VMP1: variants seen among roughly 807,000 people sequenced by gnomAD.
The protein encoded by VMP1 is vacuole membrane protein 1.
Under a neutral mutation model 56.0 loss-of-function variants are expected in VMP1, and 11 were observed. The observed-to-expected ratio is 0.20, with a 90% CI of 0.12 to 0.32. The LOEUF (loss-of-function observed/expected upper bound fraction) is 0.32, where lower values mean the gene tolerates loss of function less well. Among genes scored for constraint, VMP1 ranks in the 10% least tolerant of loss-of-function variants. VMP1 has a pLI of 1.00. For synonymous variants in VMP1, 149 were observed against 165.0 expected, an observed-to-expected ratio of 0.90 and a Z score of 0.74; for missense variants, 296 against 490.3, an observed-to-expected ratio of 0.60 and a Z score of 3.74.
In VMP1 at chr17:59,793,704, G is replaced by A. The variant is rs2037321016; in HGVS notation, c.715-15092G>A. Among the ~76,000 whole-genome samples, 2 of 114,056 alleles carry A rather than the reference G, an allele frequency of 1.8e-5. 1 individual carries two copies. The highest frequency in any genetic ancestry group is 4.4e-5 in the Non-Finnish European group (2 of 45,870). The allele number at this position is 114,056 out of a possible 152,430, so 74.8% of individuals were successfully genotyped here. On this transcript the variant is annotated intron_variant, in intron 7 of 11. Transcript: ENST00000262291. Reference sequence around the variant, plus strand: ...TGCAGTGGCGTGATATTGTCTCACTGCGGCCTCCACCTCCCGAGTTCAAGC... The same window carrying A: ...TGCAGTGGCGTGATATTGTCTCACTACGGCCTCCACCTCCCGAGTTCAAGC...
chr17:59,819,050 T>G (rs998639819), intron 10 of VMP1, among the ~76,000 whole-genome samples: 1 of 152,196 alleles, frequency 6.6e-6, no homozygotes, highest in Admixed American at 6.5e-5. Context: ...TAAAATAGTT[T>G]TTAATATTTG....
chr17:59,784,112 T>G (rs1033531814), intron 7 of VMP1, among the ~76,000 whole-genome samples: 1 of 132,504 alleles, frequency 7.5e-6, no homozygotes, highest in Non-Finnish European at 1.6e-5. Flanking sequence ...TGTGTGTGTG[T>G]GTGTGTGTGT....
intron 7 of VMP1, among the ~76,000 whole-genome samples, chr17:59,799,734 G>A (rs561438759): frequency 9.9e-5 from 15 of 152,218 alleles, no homozygotes; most frequent in Non-Finnish European, 1.8e-4. Context: ...AGGCCAAGGC[G>A]GGAGGATCAC....
At chr17:59,815,865 A>G (rs1312455460) in intron 9 of VMP1, among the ~76,000 whole-genome samples, 1 of 101,056 alleles carries the variant, frequency 9.9e-6, no homozygotes, top group African/African-American at 2.9e-5. Context: ...CAAAAAAAAA[A>G]AAAAAAAAAA....
chr17:59,801,046 C>T (rs980338293), intron 7 of VMP1, among the ~76,000 whole-genome samples: 9 of 147,568 alleles, frequency 6.1e-5, no homozygotes, highest in Non-Finnish European at 1.0e-4. Context: ...TGCCATTGCA[C>T]CCCATCCTGG....
chr17:59,830,598 T>G lies in VMP1; in HGVS notation c.975-7697T>G, dbSNP rs563555190. ...TCTTTGTAAAGAGGCTATCGCCTCC[T>G]TACTAGAATTTATGTCAGAATGTTT... is the stretch of plus-strand genomic sequence containing the variant. On this transcript the variant is annotated intron_variant, in intron 10 of 11. Coordinates refer to ENST00000262291, the MANE Select transcript of VMP1 (RefSeq NM_030938.5). 9.1e-4 allele frequency among the ~76,000 whole-genome samples: 139 copies of G among 152,336 alleles called. 1 individual carries two copies. The highest frequency in any genetic ancestry group is 3.0e-3 in the African/African-American group (125 of 41,580).
intron 7 of VMP1, among the ~76,000 whole-genome samples, chr17:59,800,795 A>G (rs2037612052): frequency 6.6e-6 from 1 of 152,084 alleles, no homozygotes; most frequent in Non-Finnish European, 1.5e-5. Flanking sequence ...ACTATAGCAC[A>G]TACAGGCTGT....
At chr17:59,827,917 G>C (rs941950026) in intron 10 of VMP1, among the ~76,000 whole-genome samples, 8 of 151,484 alleles carry the variant, frequency 5.3e-5, no homozygotes, top group Non-Finnish European at 1.0e-4. Context: ...GTGGGCAACA[G>C]AGCAAGATCC....
chr17:59,748,195 CAAAA>C (rs36016640), intron 5 of VMP1, among the ~76,000 whole-genome samples: 10 of 103,144 alleles, frequency 9.7e-5, no homozygotes, highest in Non-Finnish European at 1.7e-4. Context: ...GACTCCGTCT[CAAAA>C]AAAAAAAAAA....
intron 5 of VMP1, among the ~76,000 whole-genome samples, chr17:59,759,711 C>T (rs1031648654): frequency 6.6e-5 from 10 of 151,880 alleles, no homozygotes; most frequent in Non-Finnish European, 4.4e-5. Flanking sequence ...TGTACTAATC[C>T]AGTGTGACAG....
intron 7 of VMP1, among the ~76,000 whole-genome samples, chr17:59,775,618 G>A (rs1041703771): frequency 2.6e-5 from 4 of 152,198 alleles, no homozygotes; most frequent in Non-Finnish European, 4.4e-5. Context: ...CACCACACCT[G>A]GCCTGAACTT....
intron 9 of VMP1, among the ~76,000 whole-genome samples, chr17:59,816,037 CT>C (rs1158201187): frequency 6.6e-6 from 1 of 152,008 alleles, no homozygotes; most frequent in African/African-American, 2.4e-5. Context: ...TGGTCTGTGC[CT>C]TTTATTTATT....
At chr17:59,762,334 A>AC (rs1416128902) in intron 5 of VMP1, among the ~76,000 whole-genome samples, 1 of 152,056 alleles carries the variant, frequency 6.6e-6, no homozygotes, top group African/African-American at 2.4e-5. Flanking sequence ...TTGGGTCTTT[A>AC]CCCTCTTGTT....
At chr17:59,784,142 T>TGTGTGAGAGA (rs556387089) in intron 7 of VMP1, among the ~76,000 whole-genome samples, 21 of 130,464 alleles carry the variant, frequency 1.6e-4, no homozygotes, top group African/African-American at 6.3e-4. Context: ...TGTGTGTGTG[T>TGTGTGAGAGA]GAGAGAGAGA....
intron 1 of VMP1, among the ~76,000 whole-genome samples, chr17:59,730,771 T>C (rs2034793061): frequency 6.6e-6 from 1 of 152,162 alleles, no homozygotes; most frequent in African/African-American, 2.4e-5. Flanking sequence ...GTAAAAGCAC[T>C]GATACCTGTA....
chr17:59,835,528 T>A (rs1432556577), intron 10 of VMP1, among the ~76,000 whole-genome samples: 10 of 151,090 alleles, frequency 6.6e-5, no homozygotes, highest in Admixed American at 5.3e-4. Context: ...TTCACTCTCG[T>A]TGCCCAGGCT....
chr17:59,712,254 C>T (rs935746346), intron 1 of VMP1, among the ~76,000 whole-genome samples: 3 of 152,144 alleles, frequency 2.0e-5, no homozygotes. Flanking sequence ...ATTGTTTGCT[C>T]ATTATTAATG....
Position 59,734,191 on chromosome 17 carries a change from TG to T in VMP1, c.77-1146del, listed in dbSNP as rs144179445. Among the ~76,000 whole-genome samples the T allele has an allele frequency of 9.1e-4, 139 of 152,360 alleles. 1 individual carries two copies. In the East Asian group the frequency reaches 0.025, roughly 27 times the overall value. The stretch of plus-strand genomic sequence containing the variant: ...GTTTATCAAGGCAGGGAGTTGGTTT[TG>T]CCTCAGTTGTTCTCTAGGTAACACT... On this transcript the variant is annotated intron_variant, in intron 2 of 11. Transcript: ENST00000262291.
intron 5 of VMP1, among the ~76,000 whole-genome samples, chr17:59,754,662 C>T (rs1305878703): frequency 1.3e-5 from 2 of 152,140 alleles, no homozygotes; most frequent in Non-Finnish European, 2.9e-5. Context: ...TGACTCAGTG[C>T]TGTTTCAGGA....
Sources: allele counts gnomAD v4.1 joint callset (sites outside exome capture counted in the v4.1 genomes callset), GRCh38; gene constraint gnomAD v4.1.1; transcripts MANE v1.5; gene names NCBI Gene and HGNC (gene_info 2026-07-23, HGNC 2026-07-21).